CPB2: variants seen among roughly 807,000 people sequenced by gnomAD.
CPB2 encodes carboxypeptidase B-like protein.
In CPB2, 54 loss-of-function variants were observed where a neutral mutation model predicts 57.0. The ratio of observed to expected loss-of-function variants is 0.95; its 90% CI spans 0.76 to 1.19. The LOEUF (loss-of-function observed/expected upper bound fraction) is 1.19. CPB2 is among the 50% of genes most tolerant of loss of function. CPB2 has a pLI of 0.00. For missense variants in CPB2, 426 were observed against 512.0 expected (o/e 0.83, Z 1.62); for synonymous variants, 189 against 178.1 (o/e 1.06, Z -0.49).
In CPB2 at chr13:46,084,803, C is replaced by T. The variant is rs540639823; in HGVS notation, c.151-460G>A. Among the ~76,000 whole-genome samples the T allele has an allele frequency of 1.3e-3, 197 of 151,406 alleles. 4 individuals carry two copies. The highest frequency in any genetic ancestry group is 1.2e-4 in the Non-Finnish European group (8 of 67,782). ...TTAAAAAGGCTTCCAATAAGATTTA[C>T]ATTTTTTCTCTCTTAATGTGCTTTT... On this transcript the variant is annotated intron_variant, in intron 2 of 10. Coordinates refer to ENST00000181383, the MANE Select transcript of CPB2 (RefSeq NM_001872.5).
chr13:46,102,888 G>A (rs1038340111), intron 1 of CPB2, among the ~76,000 whole-genome samples: 4 of 151,890 alleles, frequency 2.6e-5, no homozygotes, highest in African/African-American at 4.8e-5. Flanking sequence ...GTATGCAAAA[G>A]TATTAAATAT....
At chr13:46,056,065 T>C (rs1172343665) in intron 9 of CPB2, among the ~76,000 whole-genome samples, 2 of 151,872 alleles carry the variant, frequency 1.3e-5, no homozygotes, top group East Asian at 3.8e-4. Context: ...ATAAACTATT[T>C]CAATATATTG....
intron 8 of CPB2, 140 bp from the exon 9 acceptor site, chr13:46,058,521 A>T: frequency 1.5e-6 from 1 of 670,598 alleles, no homozygotes; most frequent in South Asian, 1.9e-5. Context: ...CAAAGAACAT[A>T]GTTCCACTAA....
chr13:46,095,316 A>C (rs2045349391), intron 1 of CPB2, among the ~76,000 whole-genome samples: 2 of 66,486 alleles, frequency 3.0e-5, no homozygotes, highest in African/African-American at 1.1e-4. Context: ...CCAAGATATC[A>C]AAATTAAAAA....
chr13:46,065,581 C>G (rs2044841878), intron 7 of CPB2, among the ~76,000 whole-genome samples: 1 of 130,170 alleles, frequency 7.7e-6, no homozygotes, highest in African/African-American at 2.9e-5. Context: ...GAGCCGAGAT[C>G]TTGCCACTGC....
chr13:46,090,860 G>A (rs978129857), intron 1 of CPB2, among the ~76,000 whole-genome samples: 1 of 151,630 alleles, frequency 6.6e-6, no homozygotes, highest in African/African-American at 2.4e-5. Flanking sequence ...GAGTAGCTGG[G>A]ATTACAGGTG....
chr13:46,096,276 G>C (rs1045750982), intron 1 of CPB2: 1 of 152,554 alleles, frequency 6.6e-6, no homozygotes, highest in Admixed American at 6.5e-5. Flanking sequence ...CTCCTCCACA[G>C]GGGTTAAGCT....
chr13:46,053,899 A>G, intron 10 of CPB2, 101 bp from the exon 11 acceptor site: 5 of 1,198,672 alleles, frequency 4.2e-6, no homozygotes, highest in Non-Finnish European at 5.8e-6. Flanking sequence ...GTATACCTTT[A>G]GATTTTTTTC....
intron 4 of CPB2, among the ~76,000 whole-genome samples, chr13:46,082,033 A>G (rs1351700468): frequency 1.3e-5 from 2 of 152,246 alleles, no homozygotes; most frequent in Non-Finnish European, 2.9e-5. Flanking sequence ...TATTAAATAT[A>G]AGTGAATATA....
At position 46,064,640 on chromosome 13, in the gene CPB2, C is replaced by T. The variant is rs2044824779; in HGVS notation, c.796+8G>A. 5.6e-6 allele frequency: 9 copies of T among 1,611,936 alleles called. No individual in the cohort carries two copies. Among genetic ancestry groups the T allele is most frequent in the Non-Finnish European group, 7.6e-6 (9 of 1,178,008 alleles). On this transcript the variant is annotated splice_region_variant and intron_variant, in intron 8 of 10. Transcript: ENST00000181383. ...GAGACATTGCAAGAAATAAAGCCAA[C>T]AACCTACCACACCAGTGTTTGGAAG...
intron 8 of CPB2, among the ~76,000 whole-genome samples, chr13:46,063,416 C>T (rs1379503573): frequency 1.3e-5 from 2 of 152,112 alleles, no homozygotes; most frequent in East Asian, 3.9e-4. Context: ...TGAGACCATA[C>T]AGTATTTGAT....
At chr13:46,064,245 G>A (rs1257467421) in intron 8 of CPB2, among the ~76,000 whole-genome samples, 1 of 151,862 alleles carries the variant, frequency 6.6e-6, no homozygotes, top group African/African-American at 2.4e-5. Flanking sequence ...GGTCAACACA[G>A]CAAGACTCTG....
At position 46,053,762 on chromosome 13, in the gene CPB2, T is replaced by A; in HGVS notation, c.1124A>T (p.Asp375Val). ...APGGGDDWIY[D>V]LGIKYSFTIE... ...TGTAAACGAATATTTGATGCCCAAA[T>A]CATAGATCCAATCGTCCCCACCTCC... The change falls in exon 11 of 11, where the codon GAT becomes GTT. Residue 375 changes from aspartate (D) to valine (V), a missense_variant. Coordinates refer to ENST00000181383, the MANE Select transcript of CPB2 (RefSeq NM_001872.5). The A allele has an allele frequency of 6.2e-7, 1 of 1,614,094 alleles. No individual in the cohort carries two copies.
chr13:46,086,559 G>A (rs7326538), intron 2 of CPB2, among the ~76,000 whole-genome samples: 2,556 of 152,270 alleles, frequency 0.017, 69 homozygotes, highest in African/African-American at 0.056. Flanking sequence ...TCAGATGGGA[G>A]GAAGTGAGTG....
chr13:46,086,033 T>A (rs1023199565), intron 2 of CPB2, among the ~76,000 whole-genome samples: 2 of 152,124 alleles, frequency 1.3e-5, no homozygotes, highest in Non-Finnish European at 2.9e-5. Context: ...TTCGGCTCCC[T>A]GCAAGGCTGT....
At position 46,084,255 on chromosome 13, in the gene CPB2, A is replaced by G. The variant is rs2045164392; in HGVS notation, c.239T>C (p.Val80Ala). 6.2e-7 allele frequency: 1 copy of G among 1,614,060 alleles called. No individual in the cohort carries two copies. Among genetic ancestry groups the G allele is most frequent in the Admixed American group, 1.7e-5 (1 of 60,006 alleles). ...FFVNASDVDN[V>A]KAHLNVSGIP... ...TCCGCTCACATTTAAATGGGCTTTCACATTGTCGACATCAGATGCATTTAC... is the reference window on the plus strand; with the variant it reads ...TCCGCTCACATTTAAATGGGCTTTCGCATTGTCGACATCAGATGCATTTAC... The change falls in exon 3 of 11, where the codon GTG becomes GCG. Residue 80 changes from valine to alanine, a missense_variant. Val to Ala is a moderately conservative substitution (Grantham distance 64). Transcript: ENST00000181383.
At chr13:46,080,390 C>A (rs930413998) in intron 4 of CPB2, among the ~76,000 whole-genome samples, 1 of 152,120 alleles carries the variant, frequency 6.6e-6, no homozygotes, top group Admixed American at 6.6e-5. Flanking sequence ...TTCCTATGAA[C>A]CTGTTAGAAA....
intron 10 of CPB2, among the ~76,000 whole-genome samples, chr13:46,055,344 G>C (rs1039528996): frequency 1.3e-5 from 2 of 152,184 alleles, no homozygotes; most frequent in African/African-American, 4.8e-5. Flanking sequence ...TGTGTTATGA[G>C]CTATACTCTT....
At chr13:46,077,527 A>T (rs2045041510) in intron 5 of CPB2, among the ~76,000 whole-genome samples, 1 of 152,200 alleles carries the variant, frequency 6.6e-6, no homozygotes, top group Non-Finnish European at 1.5e-5. Flanking sequence ...GGTTCCTCAA[A>T]AAACTAAAAA....
Sources: allele counts gnomAD v4.1 joint callset (sites outside exome capture counted in the v4.1 genomes callset), GRCh38; gene constraint gnomAD v4.1.1; transcripts MANE v1.5; gene names NCBI Gene and HGNC (gene_info 2026-07-23, HGNC 2026-07-21).